The following NPHP1 variants were observed in gnomAD, a reference collection of about 807,000 sequenced individuals.
NPHP1 encodes nephrocystin 1.
A neutral mutation model predicts 90.4 loss-of-function variants in NPHP1; 70 were observed. The observed-to-expected ratio is 0.77, with a 90% confidence interval of 0.64 to 0.95. The LOEUF (loss-of-function observed/expected upper bound fraction) is 0.95. Among genes scored for constraint, NPHP1 ranks in the 40% least tolerant of loss-of-function variants. NPHP1 has a pLI of 0.00. For synonymous variants in NPHP1, 256 were observed against 271.7 expected, an observed-to-expected ratio of 0.94 and a Z score of 0.57; for missense variants, 764 against 795.9, an observed-to-expected ratio of 0.96 and a Z score of 0.48.
chr2:110,160,726 T>A (rs1328255844), intron 10 of NPHP1, among the ~76,000 whole-genome samples: 1 of 152,220 alleles, frequency 6.6e-6, no homozygotes, highest in Non-Finnish European at 1.5e-5. Flanking sequence ...GAATGCACTA[T>A]CTGATATATT....
chr2:110,162,813 C>G (rs1190366454), intron 9 of NPHP1, among the ~76,000 whole-genome samples: 1 of 151,904 alleles, frequency 6.6e-6, no homozygotes, highest in East Asian at 1.9e-4. Context: ...AAAGGAGTCA[C>G]ATTTTTGAAA....
chr2:110,192,886 A>G (rs1684854262), intron 2 of NPHP1, among the ~76,000 whole-genome samples: 1 of 152,112 alleles, frequency 6.6e-6, no homozygotes, highest in African/African-American at 2.4e-5. Flanking sequence ...TCAACCCCGA[A>G]TTTCATATCC....
intron 18 of NPHP1, chr2:110,126,985 A>T (rs1679414561): frequency 6.6e-6 from 1 of 152,596 alleles, no homozygotes; most frequent in Non-Finnish European, 1.5e-5. Flanking sequence ...AAACGTGTTA[A>T]AGGTCACTAT....
intron 1 of NPHP1, chr2:110,202,441 G>C (rs141343853): frequency 5.1e-4 from 234 of 455,300 alleles, no homozygotes; most frequent in African/African-American, 2.4e-3. Context: ...TACAGACACC[G>C]AATAGAAAAT....
chr2:110,183,011 C>T (rs1684012791), intron 2 of NPHP1, among the ~76,000 whole-genome samples: 1 of 152,002 alleles, frequency 6.6e-6, no homozygotes. Context: ...TCTGACAAAA[C>T]AGACTTTAAG....
At chr2:110,184,318 A>G in intron 2 of NPHP1, 1 of 608,490 alleles carries the variant, frequency 1.6e-6, no homozygotes, top group East Asian at 3.6e-5. Context: ...GACATGGAAC[A>G]CATCTGGCAA....
intron 2 of NPHP1, among the ~76,000 whole-genome samples, chr2:110,201,101 T>TA (rs1685547812): frequency 6.6e-6 from 1 of 152,102 alleles, no homozygotes; most frequent in Admixed American, 6.5e-5. Context: ...TCATGGGAGT[T>TA]AAAGTTGACA....
intron 16 of NPHP1, among the ~76,000 whole-genome samples, chr2:110,135,991 A>C (rs1299218915): frequency 2.0e-5 from 3 of 152,210 alleles, no homozygotes; most frequent in African/African-American, 7.2e-5. Context: ...AGTGGGCTTC[A>C]TCCCTGGGAT....
chr2:110,180,446 G>A (rs1683804069), intron 2 of NPHP1, among the ~76,000 whole-genome samples: 1 of 95,162 alleles, frequency 1.1e-5, no homozygotes, highest in Non-Finnish European at 2.1e-5. Context: ...TGCCGTTTGA[G>A]TCTTTTTTTT....
intron 2 of NPHP1, among the ~76,000 whole-genome samples, chr2:110,191,785 G>A (rs542799375): frequency 1.3e-5 from 2 of 152,268 alleles, no homozygotes; most frequent in African/African-American, 2.4e-5. Context: ...ACCTCATACA[G>A]CCGGGTACTC....
rs374090144 is a variant in NPHP1, at chr2:110,169,795, A to C, written c.522+11T>G. The C allele has an allele frequency of 8.2e-6, 13 of 1,593,818 alleles. No individual in the cohort carries two copies. Among genetic ancestry groups the C allele is most frequent in the African/African-American group, 1.3e-5 (1 of 74,532 alleles). ...GACCCTTAGGTTAGGTTTCAGTCTT[A>C]TTCTACCTACCTTAAATGTAAGATC... is the stretch of plus-strand genomic sequence containing the variant. On this transcript the variant is annotated intron_variant, in intron 5 of 19. Coordinates refer to ENST00000445609, the MANE Select transcript of NPHP1 (RefSeq NM_001128178.3).
chr2:110,155,804 G>A (rs1030732367), intron 11 of NPHP1, among the ~76,000 whole-genome samples: 1 of 152,138 alleles, frequency 6.6e-6, no homozygotes, highest in African/African-American at 2.4e-5. Flanking sequence ...AGGCTCATAG[G>A]CAGAAGAGAC....
At chr2:110,202,370 C>T (rs1283228917) in intron 1 of NPHP1, 1 of 433,726 alleles carries the variant, frequency 2.3e-6, no homozygotes, top group African/African-American at 2.0e-5. Context: ...AAAATTCACA[C>T]ACCTAGTGAT....
chr2:110,196,073 C>T (rs1287284446), intron 2 of NPHP1, among the ~76,000 whole-genome samples: 2 of 152,004 alleles, frequency 1.3e-5, no homozygotes, highest in Non-Finnish European at 2.9e-5. Context: ...CTAGGCATTA[C>T]CATTCAGGAC....
chr2:110,183,979 C>G (rs1684095802), intron 2 of NPHP1: 1 of 346,390 alleles, frequency 2.9e-6, no homozygotes, highest in Admixed American at 3.5e-5. Flanking sequence ...AATTAGAACT[C>G]AAGATTAAGA....
At chr2:110,189,991 G>A (rs975000499) in intron 2 of NPHP1, among the ~76,000 whole-genome samples, 3 of 152,074 alleles carry the variant, frequency 2.0e-5, no homozygotes, top group African/African-American at 7.2e-5. Context: ...CACCAGAGTA[G>A]CTAGATACAG....
At chr2:110,133,641 A>G (rs1679952215) in intron 16 of NPHP1, among the ~76,000 whole-genome samples, 1 of 152,132 alleles carries the variant, frequency 6.6e-6, no homozygotes, top group African/African-American at 2.4e-5. Flanking sequence ...TCACAAAGTA[A>G]GTCTTAATAA....
rs769066856 is a variant in NPHP1, at chr2:110,160,077, T to G, written c.1083+50A>C. ...TTGAATGGAAAAGAATCTAAGGGAA[T>G]GTTTCTCCATAATCCTAGTATGAAT... On this transcript the variant is annotated intron_variant, in intron 11 of 19. Transcript: ENST00000445609. 1.9e-6 allele frequency: 3 copies of G among 1,582,854 alleles called. No homozygotes were observed. In the African/African-American group the frequency reaches 4.0e-5, roughly 21 times the overall value.
intron 2 of NPHP1, among the ~76,000 whole-genome samples, chr2:110,188,101 G>A (rs2104653860): frequency 6.6e-6 from 1 of 152,224 alleles, no homozygotes; most frequent in East Asian, 1.9e-4. Context: ...TTTGAAAACA[G>A]GCACAAGACA....
Sources: allele counts gnomAD v4.1 joint callset (sites outside exome capture counted in the v4.1 genomes callset), GRCh38; gene constraint gnomAD v4.1.1; transcripts MANE v1.5; gene names NCBI Gene and HGNC (gene_info 2026-07-23, HGNC 2026-07-21).